The following IL1RAPL2 variants were observed in gnomAD, a reference collection of about 807,000 sequenced individuals.
IL1RAPL2 encodes X-linked interleukin-1 receptor accessory protein-like 2.
In IL1RAPL2, 3 loss-of-function variants were observed where a neutral mutation model predicts 44.1. That is an observed-to-expected ratio of 0.07 (90% confidence interval 0.03 to 0.18). IL1RAPL2 has a LOEUF of 0.18. Ranked by LOEUF, IL1RAPL2 falls within the 10% of genes least tolerant of loss-of-function variation. The pLI, the probability that IL1RAPL2 is intolerant of heterozygous loss-of-function variation, is 1.00. For synonymous variants in IL1RAPL2, 181 were observed against 178.8 expected, an observed-to-expected ratio of 1.01 and a Z score of -0.10; for missense variants, 391 against 496.4, an observed-to-expected ratio of 0.79 and a Z score of 2.02.
intron 2 of IL1RAPL2, among the ~76,000 whole-genome samples, chrX:104,998,931 G>A (rs754657079): frequency 9.0e-6 from 1 of 111,632 alleles, no homozygotes; most frequent in African/African-American, 3.3e-5. Context: ...CTCCCAAGTA[G>A]CTGGGACTAT....
intron 6 of IL1RAPL2, among the ~76,000 whole-genome samples, chrX:105,561,008 T>A (rs1232669429): frequency 9.0e-6 from 1 of 111,648 alleles, no homozygotes; most frequent in East Asian, 2.8e-4. Context: ...GATATTACGT[T>A]ATGAAAGTTA....
intron 6 of IL1RAPL2, among the ~76,000 whole-genome samples, chrX:105,591,760 T>C (rs1225379251): frequency 8.9e-6 from 1 of 111,960 alleles, no homozygotes; most frequent in Non-Finnish European, 1.9e-5. Context: ...TTTCTATTTT[T>C]ACTGCACTGT....
intron 2 of IL1RAPL2, among the ~76,000 whole-genome samples, chrX:104,959,733 G>C (rs1048760664): frequency 9.0e-6 from 1 of 110,895 alleles, no homozygotes; most frequent in African/African-American, 3.3e-5. Flanking sequence ...TCTACCTTAA[G>C]ATTTCATTCA....
intron 2 of IL1RAPL2, among the ~76,000 whole-genome samples, chrX:104,689,355 C>G (rs906819769): frequency 2.7e-5 from 3 of 111,305 alleles, no homozygotes; most frequent in Admixed American, 9.6e-5. Flanking sequence ...TTTCAGGGTC[C>G]TCTGGGCCAC....
intron 4 of IL1RAPL2, among the ~76,000 whole-genome samples, chrX:105,247,314 A>C (rs1013100870): frequency 9.0e-6 from 1 of 110,960 alleles, no homozygotes; most frequent in African/African-American, 3.3e-5. Flanking sequence ...TAATCTCACT[A>C]TGATTGCTCC....
At chrX:105,618,104 ATCTC>A (rs749989862) in intron 6 of IL1RAPL2, among the ~76,000 whole-genome samples, 7 of 105,591 alleles carry the variant, frequency 6.6e-5, no homozygotes, top group South Asian at 4.1e-4. Context: ...CGCTCTCTGT[ATCTC>A]TCTCTCTCTC....
At chrX:104,904,873 G>A (rs958121993) in intron 2 of IL1RAPL2, among the ~76,000 whole-genome samples, 7 of 110,617 alleles carry the variant, frequency 6.3e-5, no homozygotes, top group East Asian at 2.9e-4. Flanking sequence ...CTGAGGAATC[G>A]CCACACTGAC....
At chrX:105,704,129 C>T (rs189056380) in intron 6 of IL1RAPL2, among the ~76,000 whole-genome samples, 4 of 111,475 alleles carry the variant, frequency 3.6e-5, no homozygotes, top group Non-Finnish European at 7.6e-5. Context: ...ATATACACAA[C>T]GATAATACAA....
chrX:105,607,392 G>T (rs2037301615), intron 6 of IL1RAPL2, among the ~76,000 whole-genome samples: 1 of 106,942 alleles, frequency 9.4e-6, no homozygotes. Flanking sequence ...ATGGTCAATT[G>T]TATCAGCATT....
intron 2 of IL1RAPL2, among the ~76,000 whole-genome samples, chrX:105,104,096 C>G (rs927913121): frequency 9.0e-6 from 1 of 111,208 alleles, no homozygotes; most frequent in Non-Finnish European, 1.9e-5. Context: ...GGCCTGTCTT[C>G]ATTAGTGGGT....
chrX:104,582,864 C>CTTTCTT (rs1928434447), intron 1 of IL1RAPL2, among the ~76,000 whole-genome samples: 2 of 72,580 alleles, frequency 2.8e-5, no homozygotes, highest in Non-Finnish European at 5.2e-5. Context: ...TTCTTTCTTT[C>CTTTCTT]TTTCTTTTTC....
At chrX:105,440,994 T>C (rs913548098) in intron 5 of IL1RAPL2, among the ~76,000 whole-genome samples, 17 of 112,167 alleles carry the variant, frequency 1.5e-4, no homozygotes, top group Non-Finnish European at 2.8e-4. Flanking sequence ...TCCCCAGCCA[T>C]GTGGAACTGT....
intron 2 of IL1RAPL2, among the ~76,000 whole-genome samples, chrX:104,989,257 T>G (rs2147731052): frequency 9.0e-6 from 1 of 111,355 alleles, no homozygotes; most frequent in African/African-American, 3.3e-5. Context: ...CTAATATCAT[T>G]ATGCTTTTCC....
chrX:105,535,712 G>A (rs769676797), intron 6 of IL1RAPL2, among the ~76,000 whole-genome samples: 2 of 111,423 alleles, frequency 1.8e-5, no homozygotes, highest in African/African-American at 6.5e-5. Flanking sequence ...CCATTTCCAC[G>A]GCATTCTCAA....
intron 6 of IL1RAPL2, among the ~76,000 whole-genome samples, chrX:105,583,454 T>G (rs1023185321): frequency 8.9e-6 from 1 of 112,106 alleles, no homozygotes; most frequent in Middle Eastern, 4.2e-3. Context: ...TTTTTTAAAT[T>G]GATGCAAGGA....
chrX:104,737,851 A>G (rs1469364893), intron 2 of IL1RAPL2, among the ~76,000 whole-genome samples: 1 of 111,585 alleles, frequency 9.0e-6, no homozygotes, highest in Non-Finnish European at 1.9e-5. Flanking sequence ...TGCTCATGCT[A>G]TTCTTCCTTT....
At chrX:105,437,449 C>T (rs1027960085) in intron 5 of IL1RAPL2, among the ~76,000 whole-genome samples, 3 of 110,682 alleles carry the variant, frequency 2.7e-5, no homozygotes, top group Non-Finnish European at 1.9e-5. Context: ...AAAGTGACCC[C>T]GGTAACAATG....
In IL1RAPL2 at chrX:104,945,700, G is replaced by A. The variant is rs143911942; in HGVS notation, c.83-249775G>A. Among the ~76,000 whole-genome samples the A allele has an allele frequency of 6.2e-3, 694 of 111,916 alleles. 3 individuals carry two copies. The highest frequency in any genetic ancestry group is 0.021 in the African/African-American group (661 of 30,846). ...TATAGTGTATACGAATAATATAAAT[G>A]TTTGTTAATGCTCAGCAAGACAAAA... On this transcript the variant is annotated intron_variant, in intron 2 of 10. Transcript: ENST00000372582.
chrX:105,100,497 A>C (rs1012108196), intron 2 of IL1RAPL2, among the ~76,000 whole-genome samples: 6 of 111,331 alleles, frequency 5.4e-5, no homozygotes. Flanking sequence ...CAACCAAAGA[A>C]AGCACTCAAT....
Sources: allele counts gnomAD v4.1 joint callset (sites outside exome capture counted in the v4.1 genomes callset), GRCh38; gene constraint gnomAD v4.1.1; transcripts MANE v1.5; gene names NCBI Gene and HGNC (gene_info 2026-07-23, HGNC 2026-07-21).